The following TMEM132D variants were observed in gnomAD, a reference collection of about 807,000 sequenced individuals.
The protein encoded by TMEM132D is transmembrane protein 132D, also known as mature OL transmembrane protein.
In TMEM132D, 21 loss-of-function variants were observed where a neutral mutation model predicts 62.3. The ratio of observed to expected loss-of-function variants is 0.34; its 90% CI spans 0.24 to 0.49. TMEM132D has a LOEUF of 0.49. Ranked by LOEUF, TMEM132D falls within the 20% of genes least tolerant of loss-of-function variation. TMEM132D has a pLI of 0.99. For synonymous variants in TMEM132D, 621 were observed against 575.6 expected, an observed-to-expected ratio of 1.08 and a Z score of -1.13; for missense variants, 1,346 against 1,402.8, an observed-to-expected ratio of 0.96 and a Z score of 0.65.
chr12:129,613,005 C>T (rs1878816682), intron 2 of TMEM132D, among the ~76,000 whole-genome samples: 1 of 152,224 alleles, frequency 6.6e-6, no homozygotes, highest in African/African-American at 2.4e-5. Flanking sequence ...CCCTCTATCC[C>T]TCATTTCCTC....
chr12:129,724,331 A>C (rs7304536), intron 1 of TMEM132D, among the ~76,000 whole-genome samples: 1 of 152,022 alleles, frequency 6.6e-6, no homozygotes, highest in Non-Finnish European at 1.5e-5. Flanking sequence ...TGGAAGAAAG[A>C]AACAGGAGAC....
intron 1 of TMEM132D, among the ~76,000 whole-genome samples, chr12:129,889,476 A>G (rs540950165): frequency 6.6e-6 from 1 of 152,270 alleles, no homozygotes; most frequent in East Asian, 1.9e-4. Context: ...CCACTGAGAC[A>G]CCGGCATTAC....
At chr12:129,894,055 T>C (rs1875023461) in intron 1 of TMEM132D, among the ~76,000 whole-genome samples, 1 of 152,230 alleles carries the variant, frequency 6.6e-6, no homozygotes. Flanking sequence ...TGTCCAGGCC[T>C]GTATTATTCT....
chr12:129,803,351 A>C (rs1305184966), intron 1 of TMEM132D, among the ~76,000 whole-genome samples: 1 of 151,908 alleles, frequency 6.6e-6, no homozygotes, highest in Non-Finnish European at 1.5e-5. Flanking sequence ...CTCAGACCAC[A>C]GTGCAATCAA....
At chr12:129,555,163 G>A (rs187797437) in intron 2 of TMEM132D, among the ~76,000 whole-genome samples, 1 of 152,346 alleles carries the variant, frequency 6.6e-6, no homozygotes, top group Admixed American at 6.5e-5. Context: ...AAAGGAAGCT[G>A]ATTGCACAGA....
intron 3 of TMEM132D, among the ~76,000 whole-genome samples, chr12:129,420,304 C>CTTTTTTTTT (rs1566063045): frequency 1.0e-4 from 7 of 69,896 alleles, no homozygotes; most frequent in African/African-American, 1.3e-4. Context: ...TGCACGTTCT[C>CTTTTTTTTT]TGTTTTTTTT....
At chr12:129,323,452 A>G (rs1868786135) in intron 4 of TMEM132D, among the ~76,000 whole-genome samples, 1 of 152,182 alleles carries the variant, frequency 6.6e-6, no homozygotes, top group Admixed American at 6.5e-5. Context: ...TGAATTAACA[A>G]ACCAAAAAAC....
chr12:129,078,566 C>T lies in TMEM132D; in HGVS notation c.2083G>A (p.Val695Met). 1.9e-6 allele frequency: 3 copies of T among 1,614,138 alleles called. No homozygotes were observed. Among genetic ancestry groups the T allele is most frequent in the Non-Finnish European group, 8.5e-7 (1 of 1,180,048 alleles). The change falls in exon 8 of 9, where the codon GTG (valine) becomes ATG (methionine). Residue 695 changes from valine (V) to methionine (M), a missense_variant. Val to Met is a conservative substitution (Grantham distance 21). Coordinates refer to ENST00000422113, the MANE Select transcript of TMEM132D (RefSeq NM_133448.3). ...GSNRAIFATAVAQELLQRPKQ... is the reference protein window; with the variant it reads ...GSNRAIFATAMAQELLQRPKQ... ...GGCCTCTGCAGAAGTTCCTGAGCCA[C>T]TGCAGTGGCAAAGATGGCCCTGTTG...
intron 5 of TMEM132D, among the ~76,000 whole-genome samples, chr12:129,153,784 G>C (rs1372328052): frequency 6.6e-6 from 1 of 152,100 alleles, no homozygotes; most frequent in Non-Finnish European, 1.5e-5. Flanking sequence ...GGACGTGATT[G>C]CAATGGCTTG....
intron 4 of TMEM132D, among the ~76,000 whole-genome samples, chr12:129,261,624 C>A (rs1362643408): frequency 6.6e-6 from 1 of 152,064 alleles, no homozygotes; most frequent in Non-Finnish European, 1.5e-5. Flanking sequence ...TCTCCTAGTT[C>A]CAGAGGTTGG....
At chr12:129,380,390 G>A (rs1464186772) in intron 3 of TMEM132D, among the ~76,000 whole-genome samples, 1 of 152,130 alleles carries the variant, frequency 6.6e-6, no homozygotes, top group African/African-American at 2.4e-5. Context: ...TGATATAATT[G>A]TAGTTTCACA....
chr12:129,573,183 C>T (rs1877565231), intron 2 of TMEM132D, among the ~76,000 whole-genome samples: 1 of 152,134 alleles, frequency 6.6e-6, no homozygotes, highest in South Asian at 2.1e-4. Context: ...CCCAGGGGCT[C>T]ATCGGCCAGC....
intron 3 of TMEM132D, among the ~76,000 whole-genome samples, chr12:129,480,630 C>T (rs974105653): frequency 6.6e-6 from 1 of 152,152 alleles, no homozygotes; most frequent in Non-Finnish European, 1.5e-5. Context: ...TTCTTTGAAA[C>T]CCCACACTCC....
intron 4 of TMEM132D, among the ~76,000 whole-genome samples, chr12:129,303,166 C>A (rs1881766551): frequency 6.7e-6 from 1 of 150,142 alleles, no homozygotes; most frequent in Non-Finnish European, 1.5e-5. Context: ...CGCCGGGACT[C>A]TGCAGAGCCT....
At chr12:129,386,315 C>G (rs1242224716) in intron 3 of TMEM132D, among the ~76,000 whole-genome samples, 1 of 152,132 alleles carries the variant, frequency 6.6e-6, no homozygotes, top group Non-Finnish European at 1.5e-5. Flanking sequence ...AATGCCAGCA[C>G]TAACACTAAA....
chr12:129,472,018 C>T (rs557464758), intron 3 of TMEM132D, among the ~76,000 whole-genome samples: 52 of 152,302 alleles, frequency 3.4e-4, no homozygotes, highest in African/African-American at 1.1e-3. Flanking sequence ...CATAAAAGTG[C>T]AAAGTGAAGC....
chr12:129,621,916 C>T (rs1879081717), intron 2 of TMEM132D, among the ~76,000 whole-genome samples: 2 of 152,154 alleles, frequency 1.3e-5, no homozygotes, highest in South Asian at 4.1e-4. Context: ...TTCTTTTCTC[C>T]TTCCTTCCTT....
At chr12:129,498,433 T>C (rs961783224) in intron 3 of TMEM132D, among the ~76,000 whole-genome samples, 3 of 152,090 alleles carry the variant, frequency 2.0e-5, no homozygotes, top group African/African-American at 4.8e-5. Context: ...TTTGTATTTT[T>C]AGTAGACACA....
intron 1 of TMEM132D, among the ~76,000 whole-genome samples, chr12:129,877,251 G>A (rs1055260051): frequency 6.6e-6 from 1 of 151,348 alleles, no homozygotes; most frequent in Non-Finnish European, 1.5e-5. Flanking sequence ...GAATGAAATA[G>A]AAAGTTCACC....
Sources: gnomAD v4.1 joint callset for allele counts (sites outside exome capture counted in the v4.1 genomes callset) on GRCh38, gnomAD v4.1.1 for gene constraint, MANE v1.5 for transcripts, NCBI Gene and HGNC (gene_info 2026-07-23, HGNC 2026-07-21) for gene names.